The following PUM2 variants were observed in gnomAD, a reference collection of about 807,000 sequenced individuals.
PUM2 encodes pumilio RNA binding family member 2.
In PUM2, 57 loss-of-function variants were observed where a neutral mutation model predicts 124.5. The ratio of observed to expected loss-of-function variants is 0.46; its 90% CI spans 0.37 to 0.57. PUM2 has a LOEUF of 0.57. Among genes scored for constraint, PUM2 ranks in the 20% least tolerant of loss-of-function variants. The pLI, the probability that PUM2 is intolerant of heterozygous loss-of-function variation, is 0.00. For synonymous variants in PUM2, 460 were observed against 446.1 expected (o/e 1.03, Z -0.39); for missense variants, 1,065 against 1,290.6 (o/e 0.83, Z 2.68).
chr2:20,258,230 A>G lies in PUM2; in HGVS notation c.2484+13T>C. ...TAAAATAATACAAAAATTTTGTCTT[A>G]ACTTACAATTACCTGCTGGTCAGAA... On this transcript the variant is annotated intron_variant, in intron 16 of 20. Coordinates refer to ENST00000361078, the MANE Select transcript of PUM2 (RefSeq NM_015317.5). 1.9e-6 allele frequency: 3 copies of G among 1,577,164 alleles called. No homozygotes were observed. The highest frequency in any genetic ancestry group is 2.6e-6 in the Non-Finnish European group (3 of 1,164,690).
At chr2:20,254,795 C>T (rs1664366627) in intron 19 of PUM2, 68 bp downstream of exon 19, 2 of 1,494,496 alleles carry the variant, frequency 1.3e-6, no homozygotes, top group East Asian at 2.3e-5. Flanking sequence ...ACACGTATTT[C>T]TGTGATAACT....
intron 1 of PUM2, among the ~76,000 whole-genome samples, chr2:20,336,568 G>A (rs117016772): frequency 1.3e-5 from 2 of 151,752 alleles, no homozygotes; most frequent in East Asian, 3.9e-4. Context: ...CCAAGATGGA[G>A]CACAGTGACG....
At chr2:20,309,184 T>C (rs571688299) in intron 5 of PUM2, among the ~76,000 whole-genome samples, 3 of 152,292 alleles carry the variant, frequency 2.0e-5, no homozygotes, top group East Asian at 3.9e-4. Flanking sequence ...CTTTTAAATA[T>C]GATTTTGAGC....
intron 1 of PUM2, among the ~76,000 whole-genome samples, chr2:20,336,224 T>C (rs1275171036): frequency 1.3e-5 from 2 of 152,068 alleles, no homozygotes; most frequent in African/African-American, 4.8e-5. Flanking sequence ...GGTCTCACTA[T>C]TGCCCAGGAT....
At chr2:20,311,789 C>T (rs896540688) in intron 4 of PUM2, 126 bp from the exon 5 acceptor site, 10 of 1,084,326 alleles carry the variant, frequency 9.2e-6, no homozygotes, top group East Asian at 5.6e-5. Context: ...TATTTAATTT[C>T]GTAGTCAATT....
In PUM2 at chr2:20,250,155, A is replaced by C. The variant is rs1662956747; in HGVS notation, c.*1430T>G. ...CAGTCCAATACTTTCTATTATGCAC[A>C]ATACCCTGACTTCAATTGAAAGTGA... is the stretch of plus-strand genomic sequence containing the variant. On this transcript the variant is annotated 3_prime_UTR_variant, in exon 21 of 21. Transcript: ENST00000361078. 1 of 152,658 alleles carries C rather than the reference A, an allele frequency of 6.6e-6. No individual in the cohort carries two copies. Among genetic ancestry groups the C allele is most frequent in the Non-Finnish European group, 1.5e-5 (1 of 68,032 alleles). The allele number at this position is 152,658 out of a possible 1,614,324, so 9.5% of individuals were successfully genotyped here.
chr2:20,294,991 G>A (rs1428510839), intron 8 of PUM2, among the ~76,000 whole-genome samples: 1 of 152,118 alleles, frequency 6.6e-6, no homozygotes, highest in Non-Finnish European at 1.5e-5. Context: ...AATGGTATTT[G>A]AGTTGAAAAC....
intron 2 of PUM2, among the ~76,000 whole-genome samples, chr2:20,319,212 T>A (rs1254948972): frequency 6.6e-6 from 1 of 152,248 alleles, no homozygotes; most frequent in Non-Finnish European, 1.5e-5. Context: ...TATCCTATAC[T>A]GTGACATGCA....
chr2:20,255,090 G>A (rs1664443430), intron 18 of PUM2, 106 bp from the exon 19 acceptor site: 1 of 1,467,816 alleles, frequency 6.8e-7, no homozygotes. Context: ...GGATAGTTAG[G>A]AGAATACAAC....
At chr2:20,292,667 A>C (rs771342536) in intron 9 of PUM2, among the ~76,000 whole-genome samples, 18 of 152,170 alleles carry the variant, frequency 1.2e-4, no homozygotes, top group Non-Finnish European at 2.4e-4. Flanking sequence ...GCAGTGGCTC[A>C]CACCTGTAAT....
chr2:20,302,140 T>C (rs1054140907), intron 7 of PUM2, among the ~76,000 whole-genome samples: 6 of 152,220 alleles, frequency 3.9e-5, no homozygotes, highest in African/African-American at 1.4e-4. Flanking sequence ...CTTGACCTCC[T>C]AGGCTCAACT....
intron 8 of PUM2, among the ~76,000 whole-genome samples, chr2:20,295,173 G>A (rs1675217791): frequency 1.3e-5 from 2 of 152,008 alleles, no homozygotes; most frequent in Admixed American, 1.3e-4. Flanking sequence ...GGGAAACTAG[G>A]AAAATAAGAA....
At chr2:20,289,568 C>T (rs2148106771) in intron 10 of PUM2, among the ~76,000 whole-genome samples, 1 of 152,166 alleles carries the variant, frequency 6.6e-6, no homozygotes, top group Admixed American at 6.5e-5. Context: ...AATGAGAATG[C>T]CACCCACTCT....
At chr2:20,285,931 T>C (rs10182156) in intron 10 of PUM2, among the ~76,000 whole-genome samples, 5,320 of 151,914 alleles carry the variant, frequency 0.035, 89 homozygotes, top group Middle Eastern at 0.068. Context: ...TGAGGAAAAA[T>C]CTAAAGAAAC....
chr2:20,274,550 C>T (rs921472815), intron 13 of PUM2, among the ~76,000 whole-genome samples: 4 of 152,038 alleles, frequency 2.6e-5, no homozygotes, highest in African/African-American at 9.7e-5. Context: ...CCACAGCAAA[C>T]TAAAGCACAG....
chr2:20,299,412 C>T (rs1676422972), intron 7 of PUM2, among the ~76,000 whole-genome samples: 2 of 152,204 alleles, frequency 1.3e-5, no homozygotes, highest in East Asian at 3.9e-4. Context: ...TGCCTGTGAT[C>T]CCACGACTTT....
At chr2:20,334,495 C>T (rs545325421) in intron 1 of PUM2, among the ~76,000 whole-genome samples, 1 of 152,152 alleles carries the variant, frequency 6.6e-6, no homozygotes, top group South Asian at 2.1e-4. Context: ...TAAATTAACA[C>T]CATAGTAGAA....
Position 20,312,403 on chromosome 2 carries a change from T to C in PUM2, c.181A>G (p.Ile61Val). 3 of 1,613,554 alleles carry C rather than the reference T, an allele frequency of 1.9e-6. No individual in the cohort carries two copies. The highest frequency in any genetic ancestry group is 1.3e-5 in the African/African-American group (1 of 75,034). Residue 61 changes from isoleucine to valine, a missense_variant, in exon 4 of 21, where the codon ATT (isoleucine) becomes GTT (valine). Coordinates refer to ENST00000361078, the MANE Select transcript of PUM2 (RefSeq NM_015317.5). ...TGTCCAGATCTTCTCTGTACCATAA[T>C]AGGCTGGGACATTGAATGGTCTGTT... ...GASHHSMSQP[I>V]MVQRRSGQGF...
chr2:20,253,443 T>C (rs568831740), intron 20 of PUM2, among the ~76,000 whole-genome samples: 258 of 152,140 alleles, frequency 1.7e-3, no homozygotes, highest in Non-Finnish European at 3.0e-3. Flanking sequence ...GCTCAAGTGG[T>C]CTCCCACCAC....
Sources: allele counts gnomAD v4.1 joint callset (sites outside exome capture counted in the v4.1 genomes callset), GRCh38; gene constraint gnomAD v4.1.1; transcripts MANE v1.5; gene names NCBI Gene and HGNC (gene_info 2026-07-23, HGNC 2026-07-21).